The following VPS13C variants were observed in gnomAD, a reference collection of about 807,000 sequenced individuals.
VPS13C encodes vacuolar protein sorting 13 homolog C, also known as intermembrane lipid transfer protein VPS13C.
VPS13C carries 358 observed loss-of-function variants against 456.8 expected under a neutral mutation model. The ratio of observed to expected loss-of-function variants is 0.78; its 90% confidence interval spans 0.72 to 0.86. The LOEUF (loss-of-function observed/expected upper bound fraction) is 0.86. VPS13C is among the 40% of genes least tolerant of loss of function. VPS13C has a pLI of 0.00. For missense variants in VPS13C, 4,818 were observed against 4,385.4 expected (o/e 1.10, Z -2.79); for synonymous variants, 1,578 against 1,486.7 (o/e 1.06, Z -1.41).
intron 22 of VPS13C, among the ~76,000 whole-genome samples, chr15:61,979,948 C>G (rs1281813567): frequency 6.6e-6 from 1 of 151,812 alleles, no homozygotes; most frequent in African/African-American, 2.4e-5. Flanking sequence ...CTTTGGGAGG[C>G]CAAGGTGAGC....
intron 11 of VPS13C, among the ~76,000 whole-genome samples, chr15:62,012,444 T>C (rs554767137): frequency 6.6e-6 from 1 of 152,086 alleles, no homozygotes; most frequent in Admixed American, 6.6e-5. Context: ...TGTATATCCA[T>C]ACACTGCGAT....
intron 83 of VPS13C, 135 bp downstream of exon 83, chr15:61,856,151 G>T: frequency 1.9e-6 from 2 of 1,070,680 alleles, no homozygotes; most frequent in African/African-American, 3.3e-5. Context: ...CAAATAAATT[G>T]ATTACATCTT....
rs1894075600 is a variant in VPS13C at position 61,858,925 on chromosome 15, T to C, written c.10953-2516A>G. On this transcript the variant is annotated intron_variant, in intron 82 of 84. Coordinates refer to ENST00000644861, the MANE Select transcript of VPS13C (RefSeq NM_020821.3). The surrounding 1 kb of genome is among the most constrained non-coding windows in gnomAD (Gnocchi z 4.4). ...TCTCCTTGCCTCTGGACTGATTCTC[T>C]TCCAGTATAACATCCAAACCGCCAA... is the stretch of plus-strand genomic sequence containing the variant. Among the ~76,000 whole-genome samples the C allele has an allele frequency of 6.6e-6, 1 of 151,840 alleles. No homozygotes were observed.
chr15:61,885,213 G>T (rs973544336), intron 67 of VPS13C, among the ~76,000 whole-genome samples: 22 of 152,144 alleles, frequency 1.4e-4, no homozygotes, highest in African/African-American at 4.6e-4. Context: ...CTTCAAAATT[G>T]ACTATACTGT....
chr15:61,997,495 C>G (rs1322840119), intron 16 of VPS13C, among the ~76,000 whole-genome samples: 1 of 152,158 alleles, frequency 6.6e-6, no homozygotes, highest in South Asian at 2.1e-4. Context: ...GCCTACTCCA[C>G]TGCCCCTCTG....
intron 53 of VPS13C, among the ~76,000 whole-genome samples, chr15:61,924,162 C>T (rs2043762566): frequency 6.6e-6 from 1 of 151,582 alleles, no homozygotes; most frequent in Admixed American, 6.6e-5. Flanking sequence ...CCACCGCGCC[C>T]GGCCACCCCT....
Position 61,908,970 on chromosome 15 carries a change from C to T in VPS13C, c.8978+22G>A, listed in dbSNP as rs201729560. 2.2e-4 allele frequency: 359 copies of T among 1,609,914 alleles called. No individual in the cohort carries two copies. The Middle Eastern group carries it at 3.3e-3, about 15-fold the overall frequency. On this transcript the variant is annotated intron_variant, in intron 65 of 84. Transcript: ENST00000644861. ...ACTATGAACCAATAAAAGTATTTCCCATTAACCCTTTTTTCTCATACCTCT... is the reference window on the plus strand; with the variant it reads ...ACTATGAACCAATAAAAGTATTTCCTATTAACCCTTTTTTCTCATACCTCT...
At chr15:61,958,329 T>C (rs527994479) in intron 37 of VPS13C, among the ~76,000 whole-genome samples, 2 of 152,170 alleles carry the variant, frequency 1.3e-5, no homozygotes, top group East Asian at 3.9e-4. Flanking sequence ...ATTTCAATGA[T>C]TATTTCAAGA....
At chr15:62,031,692 T>G (rs955740038) in intron 5 of VPS13C, among the ~76,000 whole-genome samples, 2 of 151,974 alleles carry the variant, frequency 1.3e-5, no homozygotes, top group African/African-American at 4.8e-5. Context: ...TTCAAGAAGC[T>G]ACAATGTCAT....
rs558809837 is a variant in VPS13C, at chr15:61,880,341, T to C, written c.10002+268A>G. 2.6e-5 allele frequency among the ~76,000 whole-genome samples: 4 copies of C among 152,214 alleles called. No individual in the cohort carries two copies. In the East Asian group the frequency reaches 7.7e-4, roughly 29 times the overall value. ...AACATTAAACGTTGGCAAGCACTTC[T>C]ACGCTTAATTAAGAAACGCTTTTGT... On this transcript the variant is annotated intron_variant, in intron 73 of 84. Transcript: ENST00000644861.
At chr15:61,988,329 G>A (rs769035662) in intron 18 of VPS13C, among the ~76,000 whole-genome samples, 2 of 152,112 alleles carry the variant, frequency 1.3e-5, no homozygotes, top group African/African-American at 2.4e-5. Flanking sequence ...TTTAAGATCT[G>A]TGCACTTTAT....
At chr15:61,866,634 A>G (rs574614614) in intron 81 of VPS13C, 2 of 985,128 alleles carry the variant, frequency 2.0e-6, no homozygotes, top group African/African-American at 3.5e-5. Context: ...GCCAATGCTA[A>G]ATTATCTAGG....
In VPS13C at chr15:61,977,161, T is replaced by C. The variant is rs781340623; in HGVS notation, c.2329A>G (p.Thr777Ala). 1.9e-6 allele frequency: 3 copies of C among 1,580,484 alleles called. No homozygotes were observed. Among genetic ancestry groups the C allele is most frequent in the African/African-American group, 1.4e-5 (1 of 73,346 alleles). Residue 777 changes from threonine to alanine, a missense_variant, in exon 24 of 85, where the codon ACT becomes GCT. By Grantham distance (58) the Thr-to-Ala change is moderately conservative. This residue lies in a region of VPS13C where 4,552 missense variants were observed against 4,130.6 expected (regional missense o/e 1.10). Coordinates refer to ENST00000644861, the MANE Select transcript of VPS13C (RefSeq NM_020821.3). ...WKKCRFQHPS[T>A]MHILQPMDIH... The stretch of plus-strand genomic sequence containing the variant: ...TCCATGGGTTGCAATATATGCATAG[T>C]TGATGGATGCTGAAATCGACACTTT...
chr15:61,888,810 T>G (rs1047141831), intron 67 of VPS13C, among the ~76,000 whole-genome samples: 1 of 152,128 alleles, frequency 6.6e-6, no homozygotes, highest in African/African-American at 2.4e-5. Context: ...TCAGAACTCA[T>G]AGAATGTACA....
chr15:61,893,931 T>G (rs2042726751), intron 66 of VPS13C, among the ~76,000 whole-genome samples: 1 of 151,800 alleles, frequency 6.6e-6, no homozygotes, highest in African/African-American at 2.4e-5. Context: ...AGCAATGAAC[T>G]AAAAACATAC....
intron 83 of VPS13C, among the ~76,000 whole-genome samples, chr15:61,855,631 G>A (rs1200043960): frequency 2.0e-5 from 3 of 151,930 alleles, no homozygotes; most frequent in Non-Finnish European, 4.4e-5. Context: ...AGTAAAAAAC[G>A]TTTAGTTTTG....
rs373665478 is a variant in VPS13C, at chr15:62,012,153, T to C, written c.837A>G (p.Lys279=). 19 of 1,551,458 alleles carry C rather than the reference T, an allele frequency of 1.2e-5. No individual in the cohort carries two copies. The highest frequency in any genetic ancestry group is 1.6e-5 in the Non-Finnish European group (18 of 1,127,678). The change falls in exon 12 of 85, where the codon AAA becomes AAG. Residue 279 remains lysine, a synonymous_variant. Transcript: ENST00000644861. The part of the protein sequence containing the change: ...RSREQILDQL[K]NEILTSGNIP... Reference sequence around the variant, plus strand: ...TATTTCCACTTGTAAGAATTTCATTTTTCAGCTGATCCTAAACAAAAAATT... The same window carrying C: ...TATTTCCACTTGTAAGAATTTCATTCTTCAGCTGATCCTAAACAAAAAATT...
At chr15:62,042,831 G>C (rs932866536) in intron 2 of VPS13C, among the ~76,000 whole-genome samples, 1 of 151,538 alleles carries the variant, frequency 6.6e-6, no homozygotes, top group Non-Finnish European at 1.5e-5. Context: ...CAAGTCAAAG[G>C]GTGCAGCACA....
Position 61,940,790 on chromosome 15 carries a change from T to TA in VPS13C, c.5457dup (p.Ile1820TyrfsTer5). 1 of 1,608,792 alleles carries TA rather than the reference T, an allele frequency of 6.2e-7. No homozygotes were observed. The highest frequency in any genetic ancestry group is 1.1e-5 in the South Asian group (1 of 89,958). ...TTTTGTGGCAAGCTAGCCTGCAAAA[T>TA]AGTTCTGAAAGAAAAACAAGAATTT... On this transcript the variant is annotated frameshift_variant, in exon 47 of 85. Transcript: ENST00000644861. LOFTEE classifies it high-confidence loss of function.
Sources: gnomAD v4.1 joint callset for allele counts (sites outside exome capture counted in the v4.1 genomes callset) on GRCh38, gnomAD v4.1.1 for gene constraint, gnomAD v4.1.1 regional missense constraint, Gnocchi (gnomAD v3.1) non-coding constraint, MANE v1.5 for transcripts, NCBI Gene and HGNC (gene_info 2026-07-23, HGNC 2026-07-21) for gene names.